The following C1orf21 variants were observed in gnomAD, a reference collection of about 807,000 sequenced individuals.
C1orf21 encodes uncharacterized protein C1orf21.
A neutral mutation model predicts 18.7 loss-of-function variants in C1orf21; 3 were observed. The ratio of observed to expected loss-of-function variants is 0.16; its 90% confidence interval spans 0.07 to 0.42. C1orf21 has a LOEUF of 0.42. Among genes scored for constraint, C1orf21 ranks in the 10% least tolerant of loss-of-function variants. The pLI, the probability that C1orf21 is intolerant of heterozygous loss-of-function variation, is 0.99. For synonymous variants in C1orf21, 41 were observed against 46.4 expected, an observed-to-expected ratio of 0.88 and a Z score of 0.47; for missense variants, 104 against 143.6, an observed-to-expected ratio of 0.72 and a Z score of 1.41.
chr1:184,498,784 G>T (rs1339933972), intron 2 of C1orf21, among the ~76,000 whole-genome samples: 1 of 152,132 alleles, frequency 6.6e-6, no homozygotes, highest in East Asian at 1.9e-4. Context: ...TTTTGTAATG[G>T]ATATCAGTAT....
At chr1:184,507,738 A>G in intron 3 of C1orf21, 56 bp downstream of exon 3, 1 of 1,369,892 alleles carries the variant, frequency 7.3e-7, no homozygotes, top group East Asian at 2.4e-5. Context: ...TTGTAATAAA[A>G]TCTGCACTGC....
intron 3 of C1orf21, among the ~76,000 whole-genome samples, chr1:184,575,151 A>T (rs1659169006): frequency 6.6e-6 from 1 of 152,240 alleles, no homozygotes. Context: ...AATGGCACTT[A>T]GTCTCTATTG....
chr1:184,535,934 T>C (rs779691016), intron 3 of C1orf21, among the ~76,000 whole-genome samples: 1 of 152,368 alleles, frequency 6.6e-6, no homozygotes, highest in Middle Eastern at 3.4e-3. Flanking sequence ...ATAATTTCTA[T>C]TAATAGGACA....
intron 5 of C1orf21, among the ~76,000 whole-genome samples, chr1:184,610,486 G>T (rs79894739): frequency 0.011 from 1,670 of 152,236 alleles, 33 homozygotes; most frequent in African/African-American, 0.038. Flanking sequence ...TCACCTCCTT[G>T]TGGGGAAAGA....
intron 3 of C1orf21, among the ~76,000 whole-genome samples, chr1:184,551,629 T>C (rs1658814131): frequency 6.6e-6 from 1 of 152,232 alleles, no homozygotes; most frequent in Non-Finnish European, 1.5e-5. Flanking sequence ...TCTGGTTAGC[T>C]GCCCCTCCCC....
chr1:184,561,416 C>T (rs1478176198), intron 3 of C1orf21, among the ~76,000 whole-genome samples: 15 of 152,166 alleles, frequency 9.9e-5, no homozygotes, highest in African/African-American at 3.1e-4. Context: ...TGACAGTGTG[C>T]TGTCAGTGAT....
At chr1:184,403,780 A>G (rs1362073686) in intron 1 of C1orf21, among the ~76,000 whole-genome samples, 2 of 152,176 alleles carry the variant, frequency 1.3e-5, no homozygotes, top group Admixed American at 6.5e-5. Flanking sequence ...TGATTGTGTT[A>G]AAGATTGCAG....
chr1:184,548,261 A>T (rs891157050), intron 3 of C1orf21, among the ~76,000 whole-genome samples: 2 of 148,760 alleles, frequency 1.3e-5, no homozygotes, highest in Non-Finnish European at 3.0e-5. Context: ...ACACACTCAC[A>T]CACTCACTCA....
At chr1:184,447,497 CTT>C (rs1557974370) in intron 1 of C1orf21, among the ~76,000 whole-genome samples, 1 of 152,152 alleles carries the variant, frequency 6.6e-6, no homozygotes. Context: ...TTCGTCTACT[CTT>C]TATCTCCACC....
At chr1:184,487,638 G>A (rs2101954457) in intron 2 of C1orf21, among the ~76,000 whole-genome samples, 1 of 152,302 alleles carries the variant, frequency 6.6e-6, no homozygotes, top group South Asian at 2.1e-4. Flanking sequence ...TTTAAATGAG[G>A]ATGTCTGGAG....
intron 1 of C1orf21, among the ~76,000 whole-genome samples, chr1:184,434,002 A>G (rs1021024538): frequency 6.6e-6 from 1 of 152,140 alleles, no homozygotes; most frequent in African/African-American, 2.4e-5. Flanking sequence ...AAGGGCAGAC[A>G]AAGTGCTCCA....
intron 3 of C1orf21, among the ~76,000 whole-genome samples, chr1:184,513,638 A>G (rs1473452646): frequency 6.6e-6 from 1 of 152,236 alleles, no homozygotes; most frequent in Non-Finnish European, 1.5e-5. Context: ...TTGCTCCCAC[A>G]GTTAATTGTG....
chr1:184,436,380 G>A (rs547502343), intron 1 of C1orf21, among the ~76,000 whole-genome samples: 33 of 152,128 alleles, frequency 2.2e-4, no homozygotes, highest in African/African-American at 6.0e-4. Context: ...GGCAGTGGTC[G>A]GCTTGGAGAG....
rs147238351 is a variant in C1orf21, at chr1:184,402,507, C to T, written c.-125+15139C>T. Among the ~76,000 whole-genome samples, 276 of 151,876 alleles carry T rather than the reference C, an allele frequency of 1.8e-3. 1 individual carries two copies. Among genetic ancestry groups the T allele is most frequent in the Non-Finnish European group, 3.5e-3 (241 of 67,954 alleles). On this transcript the variant is annotated intron_variant, in intron 1 of 5. Coordinates refer to ENST00000235307, the MANE Select transcript of C1orf21 (RefSeq NM_030806.4). ...GGCATAGTGTTGCATGCCTGAAGTC[C>T]CAGCTACTCGGGAGGCTGAGGTGGG...
At chr1:184,597,086 C>G (rs1659526014) in intron 4 of C1orf21, among the ~76,000 whole-genome samples, 3 of 152,118 alleles carry the variant, frequency 2.0e-5, no homozygotes, top group South Asian at 4.1e-4. Flanking sequence ...AGAGAGGAGA[C>G]AGTTTAATGT....
At chr1:184,440,006 A>G (rs149052175) in intron 1 of C1orf21, among the ~76,000 whole-genome samples, 37 of 152,332 alleles carry the variant, frequency 2.4e-4, no homozygotes, top group African/African-American at 8.9e-4. Flanking sequence ...TGAGATATAT[A>G]TTAGACATGT....
intron 3 of C1orf21, among the ~76,000 whole-genome samples, chr1:184,520,454 G>A (rs1658290914): frequency 6.6e-6 from 1 of 152,208 alleles, no homozygotes; most frequent in Non-Finnish European, 1.5e-5. Flanking sequence ...GACATTATCA[G>A]GCCAGGTTTC....
At chr1:184,592,616 G>C (rs1376673630) in intron 4 of C1orf21, among the ~76,000 whole-genome samples, 2 of 152,154 alleles carry the variant, frequency 1.3e-5, no homozygotes, top group Non-Finnish European at 2.9e-5. Context: ...TGGTACATTT[G>C]ACACAGGCAC....
intron 3 of C1orf21, among the ~76,000 whole-genome samples, chr1:184,509,614 C>G (rs955391298): frequency 6.6e-6 from 1 of 152,120 alleles, no homozygotes; most frequent in Non-Finnish European, 1.5e-5. Context: ...ATTGACCATA[C>G]ACATCATTTG....
Sources: gnomAD v4.1 joint callset for allele counts (sites outside exome capture counted in the v4.1 genomes callset) on GRCh38, gnomAD v4.1.1 for gene constraint, MANE v1.5 for transcripts, NCBI Gene and HGNC (gene_info 2026-07-23, HGNC 2026-07-21) for gene names.